The following TBCE variants were observed in gnomAD, a reference collection of about 807,000 sequenced individuals.
TBCE encodes tubulin folding cofactor E.
In TBCE, 53 loss-of-function variants were observed where a neutral mutation model predicts 77.0. That is an observed-to-expected ratio of 0.69 (90% CI 0.55 to 0.87). The LOEUF (loss-of-function observed/expected upper bound fraction) is 0.87, where lower values mean the gene tolerates loss of function less well. TBCE is among the 40% of genes least tolerant of loss of function. TBCE has a pLI of 0.00. For synonymous variants in TBCE, 235 were observed against 241.3 expected (o/e 0.97, Z 0.24); for missense variants, 624 against 622.4 (o/e 1.00, Z -0.03).
At chr1:235,440,332 G>A (rs889487356) in intron 13 of TBCE, among the ~76,000 whole-genome samples, 3 of 151,906 alleles carry the variant, frequency 2.0e-5, no homozygotes, top group Non-Finnish European at 2.9e-5. Flanking sequence ...TTCAGGTGGC[G>A]CACCATGCTC....
intron 3 of TBCE, among the ~76,000 whole-genome samples, chr1:235,411,419 C>T (rs965973586): frequency 5.3e-5 from 8 of 152,036 alleles, no homozygotes; most frequent in Admixed American, 1.3e-4. Context: ...GTGCTGCAGA[C>T]TATTTCCTTT....
intron 6 of TBCE, among the ~76,000 whole-genome samples, chr1:235,428,631 C>CTTTATTTATTTA (rs144210623): frequency 0.068 from 10,051 of 147,380 alleles, 639 homozygotes; most frequent in African/African-American, 0.14. Context: ...TTTAAGGACA[C>CTTTATTTATTTA]TTTATTTATT....
chr1:235,368,050 C>G lies in TBCE; in HGVS notation c.-32+546C>G, dbSNP rs949074063. Among the ~76,000 whole-genome samples the G allele has an allele frequency of 2.1e-4, 32 of 152,194 alleles. 1 individual carries two copies. The highest frequency in any genetic ancestry group is 7.5e-4 in the African/African-American group (31 of 41,540). ...CCTCCCGAGTAGCTGGGATTACAGG[C>G]GCGTGCCACCACGCTCGGCTAATTT... On this transcript the variant is annotated intron_variant, in intron 1 of 16. Transcript: ENST00000642610.
intron 1 of TBCE, among the ~76,000 whole-genome samples, chr1:235,370,550 AT>A (rs34144462): frequency 0.21 from 26,718 of 129,536 alleles, 3,516 homozygotes; most frequent in African/African-American, 0.41. Flanking sequence ...TGCACCCGGC[AT>A]TTTTTTTTTT....
At chr1:235,412,657 G>T (rs1679879731) in intron 3 of TBCE, among the ~76,000 whole-genome samples, 2 of 152,090 alleles carry the variant, frequency 1.3e-5, no homozygotes, top group South Asian at 4.1e-4. Context: ...TTCTTCCCAG[G>T]TTGGGGATTG....
chr1:235,427,360 A>G (rs1177352726), intron 6 of TBCE, 121 bp downstream of exon 6: 1 of 748,930 alleles, frequency 1.3e-6, no homozygotes, highest in Non-Finnish European at 2.4e-6. Context: ...ACCTGATGAT[A>G]CAGGAGTTAA....
intron 4 of TBCE, chr1:235,419,213 A>C: frequency 9.0e-6 from 5 of 554,914 alleles, no homozygotes; most frequent in African/African-American, 1.9e-5. Flanking sequence ...GCTAAAAAGC[A>C]AAAAGAAAAG....
intron 3 of TBCE, among the ~76,000 whole-genome samples, chr1:235,406,073 TTATTA>T (rs1679409846): frequency 6.6e-6 from 1 of 152,216 alleles, no homozygotes; most frequent in Non-Finnish European, 1.5e-5. Flanking sequence ...ACATATTATC[TTATTA>T]TAAATAACTT....
chr1:235,439,356 C>T (rs1197912018), intron 13 of TBCE, among the ~76,000 whole-genome samples: 4 of 146,718 alleles, frequency 2.7e-5, no homozygotes, highest in South Asian at 2.2e-4. Flanking sequence ...ATGAGCCGGG[C>T]GTGGTGGCGG....
chr1:235,381,908 C>T (rs1470898654), intron 2 of TBCE, among the ~76,000 whole-genome samples: 5 of 146,812 alleles, frequency 3.4e-5, no homozygotes, highest in Non-Finnish European at 7.5e-5. Context: ...TGGTGTGCTG[C>T]ACCCATTAAC....
intron 1 of TBCE, among the ~76,000 whole-genome samples, chr1:235,371,031 C>T (rs1398319087): frequency 7.8e-6 from 1 of 128,840 alleles, no homozygotes; most frequent in African/African-American, 3.0e-5. Flanking sequence ...TGAGCTATCA[C>T]GCCTGGCTTT....
chr1:235,410,890 T>C (rs1679747830), intron 3 of TBCE, among the ~76,000 whole-genome samples: 1 of 152,236 alleles, frequency 6.6e-6, no homozygotes, highest in Admixed American at 6.5e-5. Context: ...TTCATAACTC[T>C]TGAGTTCCGA....
At chr1:235,406,748 T>G (rs1410937569) in intron 3 of TBCE, among the ~76,000 whole-genome samples, 2 of 151,754 alleles carry the variant, frequency 1.3e-5, no homozygotes, top group Non-Finnish European at 2.9e-5. Context: ...GCCAGACTGG[T>G]CTCGAACTCC....
At chr1:235,423,065 A>G (rs1304978126) in intron 5 of TBCE, among the ~76,000 whole-genome samples, 2 of 152,232 alleles carry the variant, frequency 1.3e-5, no homozygotes, top group African/African-American at 4.8e-5. Flanking sequence ...AATTCTCGCC[A>G]GAAGTTGAAG....
chr1:235,442,970 C>T, intron 15 of TBCE, 59 bp downstream of exon 15: 1 of 1,566,832 alleles, frequency 6.4e-7, no homozygotes, highest in Non-Finnish European at 8.8e-7. Flanking sequence ...AGGTATGAGT[C>T]AGCTAAAATT....
intron 5 of TBCE, among the ~76,000 whole-genome samples, chr1:235,422,373 T>C (rs1680443128): frequency 6.6e-6 from 1 of 151,052 alleles, no homozygotes; most frequent in Non-Finnish European, 1.5e-5. Context: ...ATTAACTGGG[T>C]ATGGTTACGG....
chr1:235,436,308 T>C, intron 9 of TBCE, 78 bp from the exon 10 acceptor site: 2 of 1,441,792 alleles, frequency 1.4e-6, no homozygotes, highest in Non-Finnish European at 9.7e-7. Context: ...GGAAAAAAAT[T>C]TACAAACCGA....
intron 5 of TBCE, among the ~76,000 whole-genome samples, chr1:235,420,557 A>G (rs1163488651): frequency 7.0e-6 from 1 of 141,924 alleles, no homozygotes; most frequent in African/African-American, 2.7e-5. Flanking sequence ...ATCTCAGCTC[A>G]CTGCAACCTC....
intron 1 of TBCE, among the ~76,000 whole-genome samples, chr1:235,373,711 C>T (rs1432912287): frequency 4.0e-5 from 6 of 151,506 alleles, no homozygotes; most frequent in South Asian, 4.2e-4. Context: ...TGCGGTGGCG[C>T]GATCTCGGCT....
Sources: gnomAD v4.1 joint callset for allele counts (sites outside exome capture counted in the v4.1 genomes callset) on GRCh38, gnomAD v4.1.1 for gene constraint, MANE v1.5 for transcripts, NCBI Gene and HGNC (gene_info 2026-07-23, HGNC 2026-07-21) for gene names.